Variants in ADAMTSL1 observed in about 807,000 individuals in gnomAD.
The protein encoded by ADAMTSL1 is ADAMTS like 1.
Under a neutral mutation model 201.8 loss-of-function variants are expected in ADAMTSL1, and 126 were observed. That is an observed-to-expected ratio of 0.62 (90% CI 0.54 to 0.72). The LOEUF is 0.72. Among genes scored for constraint, ADAMTSL1 ranks in the 30% least tolerant of loss-of-function variants. ADAMTSL1 has a pLI of 0.00. For synonymous variants in ADAMTSL1, 1,121 were observed against 903.4 expected (o/e 1.24, Z -4.32); for missense variants, 2,679 against 2,277.8 (o/e 1.18, Z -3.59).
At chr9:18,669,890 A>G (rs557609963) in intron 9 of ADAMTSL1, among the ~76,000 whole-genome samples, 10 of 152,190 alleles carry the variant, frequency 6.6e-5, no homozygotes, top group Non-Finnish European at 1.3e-4. Context: ...ACATAGAAAG[A>G]AAGTAGCAGA....
chr9:18,409,753 T>TG (rs1818356454), intron 2 of ADAMTSL1, among the ~76,000 whole-genome samples: 1 of 150,536 alleles, frequency 6.6e-6, no homozygotes, highest in African/African-American at 2.4e-5. Context: ...TATATATACA[T>TG]AACATATATG....
intron 1 of ADAMTSL1, among the ~76,000 whole-genome samples, chr9:18,119,473 G>A (rs1825406485): frequency 6.6e-6 from 1 of 151,886 alleles, no homozygotes. Context: ...GCTAATTTTT[G>A]TATTTTTCAG....
chr9:18,534,167 A>G (rs2132112170), intron 3 of ADAMTSL1, among the ~76,000 whole-genome samples: 1 of 152,304 alleles, frequency 6.6e-6, no homozygotes, highest in African/African-American at 2.4e-5. Context: ...ATGATGTTAC[A>G]GAGTTTCCCT....
chr9:18,680,243 G>T (rs903249530), intron 10 of ADAMTSL1, 69 bp from the exon 11 acceptor site: 4 of 1,477,318 alleles, frequency 2.7e-6, no homozygotes, highest in South Asian at 1.2e-5. Flanking sequence ...GGAGTGGGTT[G>T]GTGGACCAGT....
intron 21 of ADAMTSL1, among the ~76,000 whole-genome samples, chr9:18,823,616 C>G (rs1824350092): frequency 6.6e-6 from 1 of 152,218 alleles, no homozygotes. Flanking sequence ...TTGCTGCCCA[C>G]AGCCCTCCTC....
In ADAMTSL1 at chr9:18,824,766, C is replaced by T. The variant is rs181794950; in HGVS notation, c.3935-1518C>T. 1.3e-4 allele frequency among the ~76,000 whole-genome samples: 17 copies of T among 127,440 alleles called. No individual in the cohort carries two copies. The East Asian group carries it at 3.4e-3, about 25-fold the overall frequency. 83.6% of individuals were successfully genotyped at this position (127,440 alleles called of 152,430 possible). On this transcript the variant is annotated intron_variant, in intron 21 of 28. Transcript: ENST00000380548. Reference sequence around the variant, plus strand: ...AGGCTGGAGTGCAGTGAGGTGATCTCGGCTCACTGCAACCTCTGCCTCCCA... The same window carrying T: ...AGGCTGGAGTGCAGTGAGGTGATCTTGGCTCACTGCAACCTCTGCCTCCCA...
intron 9 of ADAMTSL1, among the ~76,000 whole-genome samples, chr9:18,666,948 TTC>T (rs1587842894): frequency 6.9e-6 from 1 of 144,584 alleles, no homozygotes; most frequent in East Asian, 2.0e-4. Context: ...TTTGCAGATT[TTC>T]TTTTTTTTTT....
intron 1 of ADAMTSL1, among the ~76,000 whole-genome samples, chr9:18,487,373 A>G (rs780660929): frequency 2.0e-5 from 3 of 152,178 alleles, no homozygotes; most frequent in Non-Finnish European, 2.9e-5. Context: ...GCTTGGCCTC[A>G]CCTCATAAAG....
intron 14 of ADAMTSL1, among the ~76,000 whole-genome samples, chr9:18,714,726 G>A (rs970032071): frequency 2.0e-5 from 3 of 151,884 alleles, no homozygotes; most frequent in Admixed American, 1.3e-4. Flanking sequence ...GAAAAAGAGG[G>A]AATCCTCCCT....
rs534276744 is a variant in ADAMTSL1, at chr9:18,345,220, T to G, written c.208-159609T>G. On this transcript the variant is annotated intron_variant, in intron 2 of 29. Coordinates refer to the ADAMTSL1 transcript ENST00000680146. ...AAAGGAATATACAAGTTAACCCTTT[T>G]CCTGTTTAGAAAAAAAAAAGTGCAG... Among the ~76,000 whole-genome samples, 93 of 152,234 alleles carry G rather than the reference T, an allele frequency of 6.1e-4. 2 individuals carry two copies. The South Asian group carries it at 0.019, about 31-fold the overall frequency.
At chr9:18,260,614 A>T (rs1831880173) in intron 2 of ADAMTSL1, among the ~76,000 whole-genome samples, 1 of 152,206 alleles carries the variant, frequency 6.6e-6, no homozygotes, top group South Asian at 2.1e-4. Context: ...CTCCCTGCTA[A>T]TGCAGGGGCC....
chr9:18,888,227 C>G (rs1272613193), intron 24 of ADAMTSL1, among the ~76,000 whole-genome samples, 184 bp downstream of exon 24: 5 of 152,220 alleles, frequency 3.3e-5, no homozygotes, highest in African/African-American at 1.2e-4. Flanking sequence ...TCAGAAGAGC[C>G]ATCATGCCCC....
chr9:18,382,047 G>A (rs1837581276), intron 2 of ADAMTSL1, among the ~76,000 whole-genome samples: 1 of 152,102 alleles, frequency 6.6e-6, no homozygotes, highest in South Asian at 2.1e-4. Context: ...GTAGCTGCTG[G>A]TACAAGAGAA....
rs539710400 is a variant in ADAMTSL1 at position 18,652,405 on chromosome 9, G to T, written c.835-5234G>T. On this transcript the variant is annotated intron_variant, in intron 7 of 28. Transcript: ENST00000380548. Reference sequence around the variant, plus strand: ...AAAAGGAAAAAAAAAGAAAGCCTTTGTGATACTGGGCAGCCTGTAAATCTT... The same window carrying T: ...AAAAGGAAAAAAAAAGAAAGCCTTTTTGATACTGGGCAGCCTGTAAATCTT... Among the ~76,000 whole-genome samples, 7 of 148,930 alleles carry T rather than the reference G, an allele frequency of 4.7e-5. No individual in the cohort carries two copies. In the East Asian group the frequency reaches 1.4e-3, roughly 29 times the overall value.
At chr9:18,693,285 T>C (rs1007047671) in intron 13 of ADAMTSL1, among the ~76,000 whole-genome samples, 5 of 152,338 alleles carry the variant, frequency 3.3e-5, no homozygotes, top group African/African-American at 1.2e-4. Flanking sequence ...GATATTTCAC[T>C]GAAGTGTGAT....
chr9:17,984,220 C>G (rs1344396972), intron 1 of ADAMTSL1, among the ~76,000 whole-genome samples: 1 of 151,950 alleles, frequency 6.6e-6, no homozygotes, highest in Non-Finnish European at 1.5e-5. Context: ...AAAAAAGGGA[C>G]ACATAATTCA....
intron 2 of ADAMTSL1, among the ~76,000 whole-genome samples, chr9:18,434,525 A>AAAAAG (rs1306544242): frequency 6.6e-6 from 1 of 152,220 alleles, no homozygotes; most frequent in Non-Finnish European, 1.5e-5. Context: ...AGAAAATGAG[A>AAAAAG]AAAAGAAAAG....
At chr9:18,280,904 C>A (rs575753567) in intron 2 of ADAMTSL1, among the ~76,000 whole-genome samples, 2 of 134,034 alleles carry the variant, frequency 1.5e-5, no homozygotes, top group African/African-American at 5.6e-5. Flanking sequence ...GAGACAAGGT[C>A]TCACTCTGTC....
At chr9:18,486,943 C>G (rs1177587683) in intron 1 of ADAMTSL1, among the ~76,000 whole-genome samples, 1 of 152,202 alleles carries the variant, frequency 6.6e-6, no homozygotes, top group African/African-American at 2.4e-5. Flanking sequence ...CAGCAAATCT[C>G]TTTGCCCTGA....
Sources: allele counts gnomAD v4.1 joint callset (sites outside exome capture counted in the v4.1 genomes callset), GRCh38; gene constraint gnomAD v4.1.1; transcripts MANE v1.5; gene names NCBI Gene and HGNC (gene_info 2026-07-23, HGNC 2026-07-21).